The following ZFPM2 variants were observed in gnomAD, a reference collection of about 807,000 sequenced individuals.
ZFPM2 encodes the protein zinc finger protein ZFPM2.
Under a neutral mutation model 98.6 loss-of-function variants are expected in ZFPM2, and 20 were observed. That is an observed-to-expected ratio of 0.20 (90% CI 0.14 to 0.29). ZFPM2 has a LOEUF of 0.29. Among genes scored for constraint, ZFPM2 ranks in the 10% least tolerant of loss-of-function variants. The probability of loss-of-function intolerance (pLI) is 1.00; values close to 1 mark genes in which losing one functional copy is unlikely to be tolerated. For missense variants in ZFPM2, 1,310 were observed against 1,388.6 expected, an observed-to-expected ratio of 0.94 and a Z score of 0.90; for synonymous variants, 518 against 502.7, an observed-to-expected ratio of 1.03 and a Z score of -0.41.
chr8:105,603,436 A>G (rs1228878412), intron 4 of ZFPM2, among the ~76,000 whole-genome samples: 1 of 152,136 alleles, frequency 6.6e-6, no homozygotes, highest in African/African-American at 2.4e-5. Flanking sequence ...ATGCAAATGA[A>G]TTGTAGTATG....
rs147569374 is a variant in ZFPM2, at chr8:105,347,183, C to T, written c.40+28202C>T. Reference sequence around the variant, plus strand: ...GTCAGATAGAAAAACGTATTGAAGGCACTTTTTATATACTTTTCAGAAAGT... The same window carrying T: ...GTCAGATAGAAAAACGTATTGAAGGTACTTTTTATATACTTTTCAGAAAGT... On this transcript the variant is annotated intron_variant, in intron 1 of 7. Coordinates refer to ENST00000407775, the MANE Select transcript of ZFPM2 (RefSeq NM_012082.4). Among the ~76,000 whole-genome samples, 273 of 150,378 alleles carry T rather than the reference C, an allele frequency of 1.8e-3. 1 individual carries two copies. Among genetic ancestry groups the T allele is most frequent in the Middle Eastern group, 3.4e-3 (1 of 294 alleles).
Position 105,523,914 on chromosome 8 carries a change from G to T in ZFPM2, c.302-37449G>T, listed in dbSNP as rs111537775. Among the ~76,000 whole-genome samples the T allele has an allele frequency of 5.4e-3, 821 of 152,212 alleles. 6 individuals carry two copies. Among genetic ancestry groups the T allele is most frequent in the Middle Eastern group, 0.034 (10 of 294 alleles). ...ACATAGTGGCAGCATCACAGTGAAG[G>T]TGTATAGATTATATGTAGCTGCCCA... On this transcript the variant is annotated intron_variant, in intron 3 of 7. Transcript: ENST00000407775.
chr8:105,725,067 AT>A (rs1273245363), intron 5 of ZFPM2, among the ~76,000 whole-genome samples: 3 of 151,718 alleles, frequency 2.0e-5, no homozygotes, highest in Non-Finnish European at 4.4e-5. Flanking sequence ...GTAAAACATC[AT>A]TTTTCCTTGT....
At chr8:105,392,538 A>G (rs1043149919) in intron 1 of ZFPM2, among the ~76,000 whole-genome samples, 5 of 152,170 alleles carry the variant, frequency 3.3e-5, no homozygotes, top group Admixed American at 3.3e-4. Flanking sequence ...AAATTTAACA[A>G]ATTTGCTAAG....
At chr8:105,329,559 G>A (rs769859112) in intron 1 of ZFPM2, among the ~76,000 whole-genome samples, 26 of 151,376 alleles carry the variant, frequency 1.7e-4, no homozygotes, top group Non-Finnish European at 3.2e-4. Context: ...AATCTTATGG[G>A]GTAAAGAGCT....
intron 5 of ZFPM2, among the ~76,000 whole-genome samples, chr8:105,642,957 A>T (rs1463916725): frequency 6.6e-6 from 1 of 152,148 alleles, no homozygotes; most frequent in African/African-American, 2.4e-5. Flanking sequence ...CAGTTTAGTT[A>T]AAGTTGAGAA....
intron 5 of ZFPM2, among the ~76,000 whole-genome samples, chr8:105,693,026 A>G (rs1228287988): frequency 6.6e-6 from 1 of 152,238 alleles, no homozygotes; most frequent in Admixed American, 6.5e-5. Flanking sequence ...GCAACTACTG[A>G]AATGGGCAGA....
intron 5 of ZFPM2, chr8:105,737,419 G>C (rs1037341890): frequency 1.5e-4 from 23 of 153,296 alleles, no homozygotes; most frequent in African/African-American, 5.1e-4. Flanking sequence ...GCTAATGATG[G>C]GTGCAGCATC....
At chr8:105,653,821 T>A (rs1817228495) in intron 5 of ZFPM2, among the ~76,000 whole-genome samples, 1 of 150,588 alleles carries the variant, frequency 6.6e-6, no homozygotes, top group Non-Finnish European at 1.5e-5. Context: ...AAGTTCTTCC[T>A]GTTTTGTCTT....
In ZFPM2 at chr8:105,795,027, C is replaced by T. The variant is rs537039318; in HGVS notation, c.740-3697C>T. Reference sequence around the variant, plus strand: ...GGAAAGGGAACTCCTTGACCCCTTGCGCTTCCCGAGTGAGGCAATGCCTCG... The same window carrying T: ...GGAAAGGGAACTCCTTGACCCCTTGTGCTTCCCGAGTGAGGCAATGCCTCG... On this transcript the variant is annotated intron_variant, in intron 6 of 7. Coordinates refer to ENST00000407775, the MANE Select transcript of ZFPM2 (RefSeq NM_012082.4). Among the ~76,000 whole-genome samples, 87 of 152,314 alleles carry T rather than the reference C, an allele frequency of 5.7e-4. 1 individual carries two copies. The highest frequency in any genetic ancestry group is 1.3e-3 in the African/African-American group (53 of 41,576).
At chr8:105,562,248 T>C (rs923541275) in intron 4 of ZFPM2, among the ~76,000 whole-genome samples, 3 of 152,078 alleles carry the variant, frequency 2.0e-5, no homozygotes, top group African/African-American at 7.2e-5. Flanking sequence ...AGGCAGAGTC[T>C]GCAGTGATCC....
At chr8:105,642,289 G>A (rs971031259) in intron 5 of ZFPM2, among the ~76,000 whole-genome samples, 2 of 152,100 alleles carry the variant, frequency 1.3e-5, no homozygotes, top group Admixed American at 6.6e-5. Context: ...AAAACTGTAT[G>A]CACAGGAAGA....
At chr8:105,577,842 CTTTTGTGAGT>C (rs1815501649) in intron 4 of ZFPM2, among the ~76,000 whole-genome samples, 1 of 150,590 alleles carries the variant, frequency 6.6e-6, no homozygotes, top group Non-Finnish European at 1.5e-5. Flanking sequence ...ATTATTTGAT[CTTTTGTGAGT>C]TTTTATTTCA....
intron 4 of ZFPM2, among the ~76,000 whole-genome samples, chr8:105,574,158 C>T (rs963799051): frequency 2.0e-5 from 3 of 152,136 alleles, no homozygotes; most frequent in African/African-American, 4.8e-5. Flanking sequence ...TGTTGTCATA[C>T]GAATATAGCT....
intron 3 of ZFPM2, among the ~76,000 whole-genome samples, chr8:105,487,818 A>G (rs991716646): frequency 4.6e-5 from 7 of 152,132 alleles, no homozygotes; most frequent in Non-Finnish European, 7.4e-5. Flanking sequence ...TTAAGTAATT[A>G]TTTGGCACTG....
rs1810823954 is a variant in ZFPM2, at chr8:105,380,445, A to C, written c.41-38699A>C. Among the ~76,000 whole-genome samples the C allele has an allele frequency of 2.0e-5, 3 of 148,914 alleles. No homozygotes were observed. The South Asian group carries it at 6.3e-4, about 31-fold the overall frequency. ...GTGGTGTTCTTCTCTTGAACACTGA[A>C]TCTCACTCACGATCAACATTACATA... On this transcript the variant is annotated intron_variant, in intron 1 of 7. Transcript: ENST00000407775.
intron 1 of ZFPM2, among the ~76,000 whole-genome samples, chr8:105,410,566 T>C (rs1402533172): frequency 6.6e-6 from 1 of 151,950 alleles, no homozygotes; most frequent in Non-Finnish European, 1.5e-5. Flanking sequence ...ATCACTTCCT[T>C]TTTACTTGTA....
chr8:105,582,103 A>G (rs1338427716), intron 4 of ZFPM2, among the ~76,000 whole-genome samples: 3 of 152,172 alleles, frequency 2.0e-5, no homozygotes, highest in Non-Finnish European at 4.4e-5. Context: ...AGATTGTACA[A>G]CTTTATCTTT....
At chr8:105,418,963 C>G (rs1382470467) in intron 1 of ZFPM2, among the ~76,000 whole-genome samples, 181 bp from the exon 2 acceptor site, 1 of 152,054 alleles carries the variant, frequency 6.6e-6, no homozygotes, top group Non-Finnish European at 1.5e-5. Context: ...GATCTTTCAT[C>G]ATAGGTCATT....
Sources: gnomAD v4.1 joint callset for allele counts (sites outside exome capture counted in the v4.1 genomes callset) on GRCh38, gnomAD v4.1.1 for gene constraint, MANE v1.5 for transcripts, NCBI Gene and HGNC (gene_info 2026-07-23, HGNC 2026-07-21) for gene names.